Variants in GXYLT2 observed in about 807,000 individuals in gnomAD.
GXYLT2 encodes the protein glycosyltransferase 8 domain containing 4.
In GXYLT2, 53 loss-of-function variants were observed where a neutral mutation model predicts 45.8. The observed-to-expected ratio is 1.16, with a 90% confidence interval of 0.93 to 1.46. The LOEUF (loss-of-function observed/expected upper bound fraction) is 1.46, where lower values mean the gene tolerates loss of function less well. GXYLT2 is among the 40% of genes most tolerant of loss of function. The pLI, the probability that GXYLT2 is intolerant of heterozygous loss-of-function variation, is 0.00. For synonymous variants in GXYLT2, 219 were observed against 214.2 expected (o/e 1.02, Z -0.19); for missense variants, 551 against 544.4 (o/e 1.01, Z -0.12).
intron 3 of GXYLT2, among the ~76,000 whole-genome samples, chr3:72,944,313 GACACA>G (rs1183025431): frequency 2.7e-5 from 4 of 148,904 alleles, no homozygotes; most frequent in Non-Finnish European, 5.9e-5. Flanking sequence ...GGAGTGCAGT[GACACA>G]ATCTCAGTTT....
At chr3:72,909,091 C>T (rs1457216621) in intron 2 of GXYLT2, among the ~76,000 whole-genome samples, 2 of 96,052 alleles carry the variant, frequency 2.1e-5, no homozygotes, top group African/African-American at 4.9e-5. Flanking sequence ...TTTTTTGAGA[C>T]AGCGGCTCAC....
intron 5 of GXYLT2, among the ~76,000 whole-genome samples, chr3:72,960,735 T>G (rs1575814844): frequency 7.3e-6 from 1 of 137,016 alleles, no homozygotes; most frequent in East Asian, 4.1e-4. Context: ...TCTATCACAT[T>G]GTAAGGTTTC....
chr3:72,948,100 T>G (rs1710446355), intron 3 of GXYLT2, among the ~76,000 whole-genome samples: 1 of 152,204 alleles, frequency 6.6e-6, no homozygotes, highest in Non-Finnish European at 1.5e-5. Context: ...GGAAAATGAT[T>G]AATGATTCCC....
intron 3 of GXYLT2, among the ~76,000 whole-genome samples, chr3:72,925,549 C>A (rs1184750463): frequency 2.0e-5 from 3 of 152,088 alleles, no homozygotes; most frequent in Non-Finnish European, 4.4e-5. Flanking sequence ...ACGAAAATCT[C>A]TAGGTTGGTG....
At chr3:72,904,895 A>AAT (rs1709478830) in intron 1 of GXYLT2, among the ~76,000 whole-genome samples, 7 of 138,930 alleles carry the variant, frequency 5.0e-5, no homozygotes, top group Non-Finnish European at 7.8e-5. Context: ...AAAAAAAAAA[A>AAT]AAATTAACCA....
In GXYLT2 at chr3:72,888,152, G is replaced by A. The variant is rs1163626225; in HGVS notation, c.-82G>A. On this transcript the variant is annotated 5_prime_UTR_variant, in exon 1 of 7. Coordinates refer to ENST00000389617, the MANE Select transcript of GXYLT2 (RefSeq NM_001080393.2). Reference sequence around the variant, plus strand: ...CGGGCGGAGGAGGCGACCGCCGCGCGCTGCTGCACTCATCCTGCCGCCGCC... The same window carrying A: ...CGGGCGGAGGAGGCGACCGCCGCGCACTGCTGCACTCATCCTGCCGCCGCC... The A allele has an allele frequency of 1.4e-5, 13 of 929,418 alleles. No individual in the cohort carries two copies. The highest frequency in any genetic ancestry group is 1.8e-5 in the African/African-American group (1 of 55,276). 57.6% of individuals were successfully genotyped at this position (929,418 alleles called of 1,614,324 possible). A position where few individuals can be genotyped will look rare whatever the true frequency, so the allele number is the denominator to read the frequency against.
intron 5 of GXYLT2, among the ~76,000 whole-genome samples, chr3:72,959,941 T>G (rs575687610): frequency 1.3e-5 from 2 of 150,694 alleles, no homozygotes; most frequent in Admixed American, 6.6e-5. Context: ...GGTTTTGTGT[T>G]TGTTTGTTTG....
chr3:72,915,583 T>C (rs1709725407), intron 2 of GXYLT2, among the ~76,000 whole-genome samples: 1 of 151,980 alleles, frequency 6.6e-6, no homozygotes, highest in Non-Finnish European at 1.5e-5. Context: ...ACGCCTGTAA[T>C]CCCAGCGCTT....
intron 6 of GXYLT2, among the ~76,000 whole-genome samples, chr3:72,968,443 G>T (rs570976714): frequency 6.6e-6 from 1 of 152,344 alleles, no homozygotes; most frequent in African/African-American, 2.4e-5. Context: ...AAGGTGTTCA[G>T]TTACAACAAG....
chr3:72,951,787 A>T (rs538010472), intron 3 of GXYLT2, among the ~76,000 whole-genome samples: 1 of 152,070 alleles, frequency 6.6e-6, no homozygotes, highest in African/African-American at 2.4e-5. Flanking sequence ...AGAATCTTCA[A>T]ATTCTGTTTT....
intron 3 of GXYLT2, among the ~76,000 whole-genome samples, chr3:72,923,865 A>C (rs951289881): frequency 1.3e-5 from 2 of 152,166 alleles, no homozygotes; most frequent in African/African-American, 4.8e-5. Flanking sequence ...TCCTGTGCTT[A>C]AGTGATCCTC....
intron 1 of GXYLT2, among the ~76,000 whole-genome samples, chr3:72,902,920 G>A (rs1282183996): frequency 6.6e-6 from 1 of 152,342 alleles, no homozygotes; most frequent in East Asian, 1.9e-4. Flanking sequence ...GGCTGAGGCA[G>A]GAGAATCGTT....
At position 72,957,499 on chromosome 3, in the gene GXYLT2, G is replaced by GC. The variant is rs371654231; in HGVS notation, c.976+153dup. 1.5e-3 allele frequency: 1,136 copies of GC among 753,092 alleles called. 9 individuals carry two copies. The African/African-American group carries it at 0.018, about 12-fold the overall frequency. The allele number at this position is 753,092 out of a possible 1,614,324, so 46.7% of individuals were successfully genotyped here. A position where few individuals can be genotyped will look rare whatever the true frequency, so the allele number is the denominator to read the frequency against. The stretch of plus-strand genomic sequence containing the variant: ...CCCAGCGAAGTTTGCCCTTTCATCC[G>GC]CCCCCCTGGGTATCTGATGGAGGCG... On this transcript the variant is annotated intron_variant, in intron 5 of 6. Transcript: ENST00000389617.
At chr3:72,929,789 AAAC>A (rs1233397535) in intron 3 of GXYLT2, among the ~76,000 whole-genome samples, 9 of 152,234 alleles carry the variant, frequency 5.9e-5, no homozygotes, top group African/African-American at 2.2e-4. Flanking sequence ...GACATATAGA[AAAC>A]AAATAGTAAA....
At chr3:72,908,696 G>T (rs1328519906) in intron 2 of GXYLT2, 137 bp downstream of exon 2, 2 of 695,662 alleles carry the variant, frequency 2.9e-6, no homozygotes, top group African/African-American at 3.6e-5. Flanking sequence ...CTGAGCCTCA[G>T]TTTTTGGTAA....
intron 3 of GXYLT2, among the ~76,000 whole-genome samples, chr3:72,948,155 T>C (rs921761893): frequency 2.6e-5 from 4 of 152,216 alleles, no homozygotes; most frequent in Non-Finnish European, 4.4e-5. Context: ...AACTCCACAT[T>C]TCTCCATCCC....
rs1281977380 is a variant in GXYLT2 at position 72,975,062 on chromosome 3, G to A, written c.1235G>A (p.Arg412Gln). Residue 412 changes from arginine to glutamine, a missense_variant, in exon 7 of 7, where the codon CGA becomes CAA. By Grantham distance (43) the Arg-to-Gln change is conservative (BLOSUM62 1). Coordinates refer to ENST00000389617, the MANE Select transcript of GXYLT2 (RefSeq NM_001080393.2). ...GAGACTGTGCACACTTTATGTGGACGAATCCCGCAAGTTTTTCTGAAGCAA... is the reference window on the plus strand; with the variant it reads ...GAGACTGTGCACACTTTATGTGGACAAATCCCGCAAGTTTTTCTGAAGCAA... ...FLETVHTLCGRIPQVFLKQIE... is the reference protein window; with the variant it reads ...FLETVHTLCGQIPQVFLKQIE... 8.1e-6 allele frequency: 13 copies of A among 1,613,150 alleles called. 1 individual carries two copies. Among genetic ancestry groups the A allele is most frequent in the South Asian group, 7.7e-5 (7 of 91,050 alleles).
At chr3:72,946,691 C>T (rs1032901107) in intron 3 of GXYLT2, among the ~76,000 whole-genome samples, 1 of 152,150 alleles carries the variant, frequency 6.6e-6, no homozygotes, top group Admixed American at 6.5e-5. Flanking sequence ...AACCTTATCA[C>T]CTTTTAGGAC....
chr3:72,933,230 C>T (rs1487237082), intron 3 of GXYLT2, among the ~76,000 whole-genome samples: 2 of 152,122 alleles, frequency 1.3e-5, no homozygotes, highest in East Asian at 3.9e-4. Flanking sequence ...ACCCAGTCGG[C>T]CAAGCCATAA....
Sources: gnomAD v4.1 joint callset for allele counts (sites outside exome capture counted in the v4.1 genomes callset) on GRCh38, gnomAD v4.1.1 for gene constraint, MANE v1.5 for transcripts, NCBI Gene and HGNC (gene_info 2026-07-23, HGNC 2026-07-21) for gene names.